The following GATAD2A variants were observed in gnomAD, a reference collection of about 807,000 sequenced individuals.
GATAD2A encodes GATA zinc finger domain containing 2A.
In GATAD2A, 12 loss-of-function variants were observed where a neutral mutation model predicts 68.5. The observed-to-expected ratio is 0.18, with a 90% confidence interval of 0.11 to 0.28. The LOEUF (loss-of-function observed/expected upper bound fraction) is 0.28. Among genes scored for constraint, GATAD2A ranks in the 10% least tolerant of loss-of-function variants. GATAD2A has a pLI of 1.00. For synonymous variants in GATAD2A, 410 were observed against 375.3 expected (o/e 1.09, Z -1.07); for missense variants, 755 against 868.5 (o/e 0.87, Z 1.64).
At chr19:19,453,512 C>A (rs1392422217) in intron 1 of GATAD2A, among the ~76,000 whole-genome samples, 1 of 152,056 alleles carries the variant, frequency 6.6e-6, no homozygotes, top group Non-Finnish European at 1.5e-5. Context: ...CTGTGCCCCC[C>A]ACATACAAGG....
intron 2 of GATAD2A, among the ~76,000 whole-genome samples, chr19:19,472,985 AAAG>A (rs1189206011): frequency 1.3e-5 from 2 of 152,196 alleles, no homozygotes; most frequent in Non-Finnish European, 2.9e-5. Flanking sequence ...GAGGTCTTGG[AAAG>A]AAGGACTTGC....
chr19:19,463,144 C>T (rs2057587144), intron 1 of GATAD2A, among the ~76,000 whole-genome samples: 1 of 152,174 alleles, frequency 6.6e-6, no homozygotes, highest in African/African-American at 2.4e-5. Flanking sequence ...CTCACCTAAA[C>T]AGGCTTTTCC....
intron 1 of GATAD2A, among the ~76,000 whole-genome samples, chr19:19,423,493 G>A (rs935186876): frequency 1.2e-4 from 19 of 152,270 alleles, no homozygotes; most frequent in Non-Finnish European, 2.2e-4. Flanking sequence ...TTGTTGGCCT[G>A]GTTCTTGGGC....
intron 1 of GATAD2A, among the ~76,000 whole-genome samples, chr19:19,399,232 A>C (rs2049514693): frequency 6.6e-6 from 1 of 151,938 alleles, no homozygotes; most frequent in Non-Finnish European, 1.5e-5. Flanking sequence ...TCAAACAAAC[A>C]AACAAAAACC....
In GATAD2A at chr19:19,495,788, C is replaced by G. The variant is rs764798832; in HGVS notation, c.659C>G (p.Pro220Arg). ...SSARMPGSVIPPPLVRGGQQA... is the reference protein window; with the variant it reads ...SSARMPGSVIRPPLVRGGQQA... The stretch of plus-strand genomic sequence containing the variant: ...GCTCGGATGCCCGGCAGTGTCATAC[C>G]CCCGCCCCTGGTCCGAGGTGGGCAG... The change falls in exon 6 of 12, where the codon CCC becomes CGC. Residue 220 changes from proline to arginine, a missense_variant. By Grantham distance (103) the Pro-to-Arg change is moderately radical (BLOSUM62 -2). Transcript: ENST00000683918. 2 of 1,613,462 alleles carry G rather than the reference C, an allele frequency of 1.2e-6. No individual in the cohort carries two copies. The highest frequency in any genetic ancestry group is 1.7e-6 in the Non-Finnish European group (2 of 1,179,716).
At chr19:19,438,928 T>G (rs943290940) in intron 1 of GATAD2A, among the ~76,000 whole-genome samples, 44 of 152,218 alleles carry the variant, frequency 2.9e-4, no homozygotes, top group African/African-American at 9.9e-4. Flanking sequence ...TATTGATAGA[T>G]TTTAGGTTTT....
At position 19,398,497 on chromosome 19, in the gene GATAD2A, G is replaced by A. The variant is rs1216095662; in HGVS notation, c.-7+12359G>A. Among the ~76,000 whole-genome samples, 5 of 151,160 alleles carry A rather than the reference G, an allele frequency of 3.3e-5. No homozygotes were observed. The South Asian group carries it at 6.4e-4, about 19-fold the overall frequency. Reference sequence around the variant, plus strand: ...ATTACAGGCGTGAGCCACCATGCCCGGCCAGCTAATTTTATTTTTTAACTT... The same window carrying A: ...ATTACAGGCGTGAGCCACCATGCCCAGCCAGCTAATTTTATTTTTTAACTT... On this transcript the variant is annotated intron_variant, in intron 1 of 11. Transcript: ENST00000360315.
At chr19:19,491,812 A>T (rs949677171) in intron 2 of GATAD2A, among the ~76,000 whole-genome samples, 19 of 152,188 alleles carry the variant, frequency 1.2e-4, no homozygotes, top group African/African-American at 4.1e-4. Flanking sequence ...AATCTGGTTC[A>T]CGCAGGGAGC....
intron 1 of GATAD2A, among the ~76,000 whole-genome samples, chr19:19,414,962 A>G (rs904628257): frequency 2.0e-5 from 3 of 150,674 alleles, no homozygotes; most frequent in Non-Finnish European, 4.4e-5. Flanking sequence ...AGCCTTAAAA[A>G]AAAACTATAG....
At chr19:19,425,917 G>A (rs547206734) in intron 1 of GATAD2A, among the ~76,000 whole-genome samples, 3 of 151,950 alleles carry the variant, frequency 2.0e-5, no homozygotes, top group Admixed American at 1.3e-4. Context: ...AGCCTCTAGC[G>A]TAGCTGGGAC....
intron 1 of GATAD2A, chr19:19,435,266 G>A: frequency 2.5e-6 from 1 of 406,512 alleles, no homozygotes; most frequent in Non-Finnish European, 5.3e-6. Context: ...CTGTCGCCCA[G>A]GTTGGAGTGC....
At chr19:19,408,408 C>T (rs1393885632) in intron 1 of GATAD2A, among the ~76,000 whole-genome samples, 2 of 152,194 alleles carry the variant, frequency 1.3e-5, no homozygotes, top group Non-Finnish European at 1.5e-5. Flanking sequence ...AAATATAATG[C>T]TACTTTCGGT....
At chr19:19,473,952 A>T (rs1209304922) in intron 2 of GATAD2A, 1 of 742,420 alleles carries the variant, frequency 1.3e-6, no homozygotes. Flanking sequence ...TCTCAAAAAA[A>T]CAAAAACAAC....
chr19:19,468,085 G>T (rs2058013431), intron 2 of GATAD2A, among the ~76,000 whole-genome samples: 1 of 152,232 alleles, frequency 6.6e-6, no homozygotes, highest in Non-Finnish European at 1.5e-5. Context: ...GAAAAATTGA[G>T]CAGGGGCATA....
intron 1 of GATAD2A, among the ~76,000 whole-genome samples, chr19:19,447,931 T>C (rs1361508444): frequency 6.6e-6 from 1 of 152,228 alleles, no homozygotes; most frequent in South Asian, 2.1e-4. Flanking sequence ...GTTTCCAGTC[T>C]CAGGCCTTGA....
chr19:19,421,739 G>C (rs1175174031), intron 1 of GATAD2A, among the ~76,000 whole-genome samples: 1 of 152,216 alleles, frequency 6.6e-6, no homozygotes, highest in Non-Finnish European at 1.5e-5. Context: ...TACTCTGGGG[G>C]TGATGCAGGT....
At chr19:19,447,651 G>A (rs1028007217) in intron 1 of GATAD2A, among the ~76,000 whole-genome samples, 3 of 152,248 alleles carry the variant, frequency 2.0e-5, no homozygotes, top group Non-Finnish European at 4.4e-5. Flanking sequence ...GTTGAGAGCA[G>A]ATAGTTTGTT....
intron 1 of GATAD2A, chr19:19,386,264 G>C (rs1004734836): frequency 2.0e-5 from 3 of 152,940 alleles, no homozygotes; most frequent in African/African-American, 7.2e-5. Flanking sequence ...TTCCCCCTCA[G>C]GGGAGCCCCT....
intron 1 of GATAD2A, among the ~76,000 whole-genome samples, chr19:19,453,457 T>G (rs1457647375): frequency 1.3e-5 from 2 of 152,204 alleles, no homozygotes; most frequent in African/African-American, 4.8e-5. Flanking sequence ...AGAGTTAACC[T>G]TGAGTCCTTG....
Sources: gnomAD v4.1 joint callset for allele counts (sites outside exome capture counted in the v4.1 genomes callset) on GRCh38, gnomAD v4.1.1 for gene constraint, MANE v1.5 for transcripts, NCBI Gene and HGNC (gene_info 2026-07-23, HGNC 2026-07-21) for gene names.